SOX5: variants seen among roughly 807,000 people sequenced by gnomAD.
SOX5 encodes the protein transcription factor SOX-5.
SOX5 carries 9 observed loss-of-function variants against 92.0 expected under a neutral mutation model. That is an observed-to-expected ratio of 0.10 (90% CI 0.06 to 0.17). SOX5 has a LOEUF of 0.17. Ranked by LOEUF, SOX5 falls within the 10% of genes least tolerant of loss-of-function variation. The pLI is 1.00. For synonymous variants in SOX5, 344 were observed against 336.3 expected (o/e 1.02, Z -0.25); for missense variants, 642 against 944.5 (o/e 0.68, Z 4.20).
chr12:24,043,861 T>C (rs1199934546), intron 4 of SOX5, among the ~76,000 whole-genome samples: 2 of 152,206 alleles, frequency 1.3e-5, no homozygotes, highest in Non-Finnish European at 2.9e-5. Flanking sequence ...CCATTAGTAA[T>C]GTAACAACAA....
At chr12:23,963,610 C>A (rs923892844) in intron 4 of SOX5, among the ~76,000 whole-genome samples, 1 of 151,936 alleles carries the variant, frequency 6.6e-6, no homozygotes, top group Admixed American at 6.6e-5. Flanking sequence ...AGAATTACAA[C>A]AACCGACTAA....
At chr12:24,389,186 T>A (rs1035271053) in intron 1 of SOX5, among the ~76,000 whole-genome samples, 4 of 150,194 alleles carry the variant, frequency 2.7e-5, no homozygotes, top group Non-Finnish European at 5.9e-5. Context: ...AATTCCCACC[T>A]ATGAGTAAGA....
chr12:24,454,661 C>T (rs1423025098), intron 1 of SOX5, among the ~76,000 whole-genome samples: 1 of 152,156 alleles, frequency 6.6e-6, no homozygotes, highest in Admixed American at 6.5e-5. Flanking sequence ...AAAATTTCTT[C>T]TTCAATGCAC....
chr12:24,336,213 GC>G (rs1174478851), intron 2 of SOX5, among the ~76,000 whole-genome samples: 1 of 151,392 alleles, frequency 6.6e-6, no homozygotes, highest in South Asian at 2.1e-4. Flanking sequence ...TCCTGCCTCA[GC>G]CCCCTGAGTA....
chr12:23,693,123 A>ATTGTTG (rs982212825), intron 6 of SOX5, among the ~76,000 whole-genome samples: 6 of 151,266 alleles, frequency 4.0e-5, no homozygotes, highest in African/African-American at 1.5e-4. Context: ...TTATTTTATT[A>ATTGTTG]TTGTTGTTGT....
At chr12:24,397,593 G>T (rs1960367866) in intron 1 of SOX5, among the ~76,000 whole-genome samples, 1 of 151,624 alleles carries the variant, frequency 6.6e-6, no homozygotes, top group South Asian at 2.1e-4. Context: ...TATTGTAGAG[G>T]GGCCAAAGTT....
chr12:24,140,295 A>G (rs1473449432), intron 4 of SOX5, among the ~76,000 whole-genome samples: 1 of 152,150 alleles, frequency 6.6e-6, no homozygotes, highest in African/African-American at 2.4e-5. Context: ...TGATGTTCAG[A>G]AAAAAGGGAT....
At chr12:24,534,626 G>A (rs758163607) in intron 1 of SOX5, among the ~76,000 whole-genome samples, 1 of 152,184 alleles carries the variant, frequency 6.6e-6, no homozygotes, top group African/African-American at 2.4e-5. Flanking sequence ...CCCTACATGA[G>A]TGTACCCCAA....
At chr12:24,404,038 G>A (rs1962359072) in intron 1 of SOX5, among the ~76,000 whole-genome samples, 1 of 152,028 alleles carries the variant, frequency 6.6e-6, no homozygotes, top group Non-Finnish European at 1.5e-5. Context: ...GTTTTTAAAA[G>A]GAAAATATCA....
intron 4 of SOX5, among the ~76,000 whole-genome samples, chr12:24,077,792 T>C (rs1418519108): frequency 6.8e-6 from 1 of 146,054 alleles, no homozygotes; most frequent in Non-Finnish European, 1.5e-5. Context: ...TATATATATA[T>C]ATATATATAT....
chr12:23,747,120 A>C (rs2094012312), intron 4 of SOX5, among the ~76,000 whole-genome samples: 1 of 152,028 alleles, frequency 6.6e-6, no homozygotes, highest in Admixed American at 6.6e-5. Flanking sequence ...TACACCATCC[A>C]TACATTGCTT....
At chr12:24,502,096 C>A (rs532739057) in intron 1 of SOX5, among the ~76,000 whole-genome samples, 1 of 152,314 alleles carries the variant, frequency 6.6e-6, no homozygotes, top group South Asian at 2.1e-4. Flanking sequence ...AACACGCCAA[C>A]TTATGTATTT....
chr12:23,735,023 G>T (rs1215968266), intron 5 of SOX5, among the ~76,000 whole-genome samples: 2 of 152,086 alleles, frequency 1.3e-5, no homozygotes, highest in African/African-American at 4.8e-5. Context: ...TCTGTTTTTC[G>T]AACATCCCTC....
At chr12:24,081,947 C>A (rs1448934156) in intron 4 of SOX5, among the ~76,000 whole-genome samples, 1 of 151,986 alleles carries the variant, frequency 6.6e-6, no homozygotes, top group African/African-American at 2.4e-5. Context: ...AAAATCTATT[C>A]TTCCTGGTTT....
intron 2 of SOX5, among the ~76,000 whole-genome samples, chr12:23,874,082 C>A (rs2096902423): frequency 1.3e-5 from 2 of 151,862 alleles, no homozygotes; most frequent in Admixed American, 6.6e-5. Context: ...TGTAATAAAT[C>A]AAGGAATAAA....
chr12:23,813,021 T>C (rs1366427094), intron 3 of SOX5, among the ~76,000 whole-genome samples: 1 of 152,160 alleles, frequency 6.6e-6, no homozygotes, highest in Non-Finnish European at 1.5e-5. Context: ...CAGCAAAAAA[T>C]CACACATTTT....
rs538897045 is a variant in SOX5, at chr12:23,626,546, T to G, written c.1017+14266A>C. ...TGCCTCAAATCAATGCTTGCCTCAT[T>G]ATTCTTCTCCCATTTTTTCCTTGAT... On this transcript the variant is annotated intron_variant, in intron 8 of 14. Transcript: ENST00000451604. 1.5e-4 allele frequency among the ~76,000 whole-genome samples: 23 copies of G among 152,314 alleles called. No individual in the cohort carries two copies. The South Asian group carries it at 2.7e-3, about 18-fold the overall frequency.
At chr12:24,020,009 T>C (rs1954102791) in intron 4 of SOX5, among the ~76,000 whole-genome samples, 1 of 152,208 alleles carries the variant, frequency 6.6e-6, no homozygotes, top group African/African-American at 2.4e-5. Flanking sequence ...TTAGGCCCTT[T>C]TAGTAATTAA....
intron 6 of SOX5, among the ~76,000 whole-genome samples, chr12:23,711,172 C>A (rs536630590): frequency 6.6e-6 from 1 of 152,080 alleles, no homozygotes; most frequent in African/African-American, 2.4e-5. Flanking sequence ...CTGTTTACAT[C>A]GGCAATGTGG....
Sources: allele counts gnomAD v4.1 joint callset (sites outside exome capture counted in the v4.1 genomes callset), GRCh38; gene constraint gnomAD v4.1.1; transcripts MANE v1.5; gene names NCBI Gene and HGNC (gene_info 2026-07-23, HGNC 2026-07-21).